The following LIX1 variants were observed in gnomAD, a reference collection of about 807,000 sequenced individuals.
LIX1 encodes limb and CNS expressed 1, also known as protein limb expression 1 homolog.
In LIX1, 24 loss-of-function variants were observed where a neutral mutation model predicts 33.4. That is an observed-to-expected ratio of 0.72 (90% CI 0.52 to 1.01). LIX1 has a LOEUF of 1.01. LIX1 is among the 50% of genes least tolerant of loss of function. LIX1 has a pLI of 0.00. For synonymous variants in LIX1, 124 were observed against 124.0 expected (o/e 1.00, Z 0.00); for missense variants, 311 against 339.2 (o/e 0.92, Z 0.65).
At chr5:97,133,318 C>T (rs1748105219) in intron 1 of LIX1, among the ~76,000 whole-genome samples, 1 of 152,216 alleles carries the variant, frequency 6.6e-6, no homozygotes, top group South Asian at 2.1e-4. Context: ...CACACCATGC[C>T]TCAGTTCCTC....
At chr5:97,121,906 C>T (rs1343307931) in intron 2 of LIX1, among the ~76,000 whole-genome samples, 1 of 152,128 alleles carries the variant, frequency 6.6e-6, no homozygotes, top group Non-Finnish European at 1.5e-5. Context: ...CTGGGTGCTT[C>T]GTATTGAATG....
intron 2 of LIX1, among the ~76,000 whole-genome samples, chr5:97,111,670 C>T (rs1330097904): frequency 1.3e-5 from 2 of 152,172 alleles, no homozygotes; most frequent in African/African-American, 4.8e-5. Context: ...CAACTTCTAT[C>T]TAAATAATAG....
chr5:97,116,224 C>T (rs546244943), intron 2 of LIX1, among the ~76,000 whole-genome samples: 7 of 152,246 alleles, frequency 4.6e-5, no homozygotes, highest in South Asian at 4.2e-4. Flanking sequence ...CTACCCTGAC[C>T]GAAGCATGAA....
intron 3 of LIX1, 97 bp downstream of exon 3, chr5:97,107,263 T>G: frequency 2.4e-6 from 3 of 1,263,986 alleles, no homozygotes; most frequent in Non-Finnish European, 3.2e-6. Flanking sequence ...TACAGAATTC[T>G]TAAAATAAGA....
intron 5 of LIX1, 54 bp downstream of exon 5, chr5:97,096,756 A>G (rs1746397118): frequency 1.6e-6 from 2 of 1,221,240 alleles, no homozygotes; most frequent in Admixed American, 1.8e-5. Context: ...GAAGATGATA[A>G]GCCACCTGCT....
intron 2 of LIX1, among the ~76,000 whole-genome samples, chr5:97,118,920 T>C (rs1747707139): frequency 1.3e-5 from 2 of 152,188 alleles, no homozygotes; most frequent in Non-Finnish European, 1.5e-5. Flanking sequence ...TTAGCTTTCA[T>C]GGACACAGCT....
In LIX1 at chr5:97,094,749, T is replaced by A. The variant is rs1165609008; in HGVS notation, c.848A>T (p.Ter283LeuextTer35). The A allele has an allele frequency of 6.2e-7, 1 of 1,612,644 alleles. No homozygotes were observed. Among genetic ancestry groups the A allele is most frequent in the Admixed American group, 1.7e-5 (1 of 59,946 alleles). The change falls in exon 6 of 6, where the codon TAG becomes TTG. Residue 283 changes from the stop codon to leucine, a stop_lost. Transcript: ENST00000274382. ...GAGGGTACCCGGGGCTTGGCCTTGC[T>A]AGTGATAGCCACACAGGGCCGTAAG... ...LSLTALCGYH[*>L]
intron 1 of LIX1, among the ~76,000 whole-genome samples, chr5:97,141,698 T>A (rs557481918): frequency 6.6e-6 from 1 of 152,338 alleles, no homozygotes; most frequent in South Asian, 2.1e-4. Flanking sequence ...TGGGCAGTTC[T>A]ATTTCAGAAG....
chr5:97,109,153 C>A (rs755998489), intron 2 of LIX1, among the ~76,000 whole-genome samples: 1 of 152,162 alleles, frequency 6.6e-6, no homozygotes, highest in East Asian at 1.9e-4. Flanking sequence ...TTCCCTCAAA[C>A]CTTCTAGAAC....
At chr5:97,123,829 T>C (rs1462666682) in intron 2 of LIX1, among the ~76,000 whole-genome samples, 1 of 152,216 alleles carries the variant, frequency 6.6e-6, no homozygotes, top group Non-Finnish European at 1.5e-5. Context: ...GCTAAGAGTG[T>C]CATTTTTTCC....
chr5:97,121,391 T>C (rs1042353367), intron 2 of LIX1, among the ~76,000 whole-genome samples: 8 of 152,142 alleles, frequency 5.3e-5, no homozygotes, highest in Non-Finnish European at 1.0e-4. Flanking sequence ...CCTTTGTCTC[T>C]TTCTAGAGCT....
intron 2 of LIX1, among the ~76,000 whole-genome samples, chr5:97,110,119 C>A (rs556446764): frequency 6.6e-6 from 1 of 152,290 alleles, no homozygotes; most frequent in South Asian, 2.1e-4. Context: ...ATTGCTGGAT[C>A]AAATGGTAGT....
Position 97,124,505 on chromosome 5 carries a change from G to A in LIX1, c.207C>T (p.Tyr69=), listed in dbSNP as rs151200165. ...AACAGCTTCCCCCTGGGAGGGTCACGTAACTCACAAAGGGAGGCCCAGGAG... is the reference window on the plus strand; with the variant it reads ...AACAGCTTCCCCCTGGGAGGGTCACATAACTCACAAAGGGAGGCCCAGGAG... ...LPAPGPPFVS[Y]VTLPGGSCFG... is the part of the protein sequence containing the mutation. The change falls in exon 2 of 6, where the codon TAC becomes TAT. Residue 69 remains tyrosine, a synonymous_variant. Coordinates refer to ENST00000274382, the MANE Select transcript of LIX1 (RefSeq NM_153234.5). 4.7e-5 allele frequency: 76 copies of A among 1,606,926 alleles called. No homozygotes were observed. The highest frequency in any genetic ancestry group is 5.8e-5 in the Non-Finnish European group (68 of 1,176,020).
intron 5 of LIX1, 139 bp downstream of exon 5, chr5:97,096,671 T>C: frequency 1.6e-6 from 1 of 640,210 alleles, no homozygotes; most frequent in Non-Finnish European, 2.8e-6. Flanking sequence ...TATATTTCTT[T>C]GTGTGTCCTC....
chr5:97,138,102 T>C (rs961920721), intron 1 of LIX1, among the ~76,000 whole-genome samples: 2 of 152,072 alleles, frequency 1.3e-5, no homozygotes, highest in African/African-American at 4.8e-5. Context: ...AATGGAAGAG[T>C]TAATGCACCT....
At chr5:97,108,385 G>A (rs1747182735) in intron 2 of LIX1, among the ~76,000 whole-genome samples, 1 of 152,082 alleles carries the variant, frequency 6.6e-6, no homozygotes, top group African/African-American at 2.4e-5. Flanking sequence ...ATATAATATT[G>A]TGCTCCATCC....
intron 2 of LIX1, among the ~76,000 whole-genome samples, chr5:97,111,298 G>A (rs535300286): frequency 6.6e-6 from 1 of 152,186 alleles, no homozygotes; most frequent in South Asian, 2.1e-4. Context: ...AGAGATCCTC[G>A]TAAAGAAAAG....
chr5:97,124,880 G>C (rs316219), intron 1 of LIX1, among the ~76,000 whole-genome samples: 2 of 151,812 alleles, frequency 1.3e-5, no homozygotes, highest in Non-Finnish European at 2.9e-5. Context: ...TTCTTAATGA[G>C]TAAGGCTCAA....
intron 2 of LIX1, among the ~76,000 whole-genome samples, chr5:97,114,220 C>T (rs930397686): frequency 1.8e-4 from 27 of 152,206 alleles, no homozygotes; most frequent in African/African-American, 5.3e-4. Flanking sequence ...CTTCTCTGGC[C>T]GGGCATGGTA....
Sources: allele counts gnomAD v4.1 joint callset (sites outside exome capture counted in the v4.1 genomes callset), GRCh38; gene constraint gnomAD v4.1.1; transcripts MANE v1.5; gene names NCBI Gene and HGNC (gene_info 2026-07-23, HGNC 2026-07-21).